ITPKC: variants seen among roughly 807,000 people sequenced by gnomAD.
ITPKC encodes the protein inositol-trisphosphate 3-kinase C, also known as IP3 3-kinase C.
Under a neutral mutation model 67.1 loss-of-function variants are expected in ITPKC, and 33 were observed. The ratio of observed to expected loss-of-function variants is 0.49; its 90% CI spans 0.37 to 0.66. The LOEUF is 0.66. Ranked by LOEUF, ITPKC falls within the 30% of genes least tolerant of loss-of-function variation. The probability of loss-of-function intolerance (pLI) is 0.00; values close to 1 mark genes in which losing one functional copy is unlikely to be tolerated. For missense variants in ITPKC, 820 were observed against 892.1 expected (o/e 0.92, Z 1.03); for synonymous variants, 341 against 359.8 (o/e 0.95, Z 0.59).
chr19:40,732,721 G>A (rs1030666963), intron 3 of ITPKC, among the ~76,000 whole-genome samples: 2 of 151,996 alleles, frequency 1.3e-5, no homozygotes, highest in African/African-American at 2.4e-5. Flanking sequence ...TGTGAACACT[G>A]CACCTGGCCC....
chr19:40,729,006 C>G (rs1237545871), intron 2 of ITPKC, among the ~76,000 whole-genome samples, 196 bp from the exon 3 acceptor site: 1 of 151,926 alleles, frequency 6.6e-6, no homozygotes, highest in African/African-American at 2.4e-5. Context: ...CCAGCCTGGG[C>G]AACAGAGTGG....
intron 3 of ITPKC, among the ~76,000 whole-genome samples, chr19:40,732,212 C>G (rs991946885): frequency 2.1e-5 from 3 of 142,942 alleles, no homozygotes; most frequent in African/African-American, 7.9e-5. Flanking sequence ...TGTACTCCAG[C>G]CTTGGTGACA....
chr19:40,719,439 T>A (rs561393569), intron 1 of ITPKC, among the ~76,000 whole-genome samples: 119 of 152,158 alleles, frequency 7.8e-4, no homozygotes, highest in African/African-American at 2.8e-3. Context: ...CTGTGCTAAG[T>A]GCTGTGCTTT....
chr19:40,720,083 G>A (rs1851193495), intron 1 of ITPKC, among the ~76,000 whole-genome samples: 1 of 151,844 alleles, frequency 6.6e-6, no homozygotes, highest in African/African-American at 2.4e-5. Flanking sequence ...CAACAGATGG[G>A]GGCCAGGCTC....
chr19:40,737,878 T>C lies in ITPKC; in HGVS notation c.1848+109T>C, dbSNP rs918790402. Reference sequence around the variant, plus strand: ...CAAAGATATAAAAAGGGGCTGGGCGTTGTGGCCCGCACCTGTAATACCAGC... The same window carrying C: ...CAAAGATATAAAAAGGGGCTGGGCGCTGTGGCCCGCACCTGTAATACCAGC... On this transcript the variant is annotated intron_variant, in intron 6 of 6. Transcript: ENST00000263370. 10 of 937,112 alleles carry C rather than the reference T, an allele frequency of 1.1e-5. No homozygotes were observed. In the South Asian group the frequency reaches 1.1e-4, roughly 10 times the overall value. 58.0% of individuals were successfully genotyped at this position (937,112 alleles called of 1,614,324 possible).
chr19:40,725,731 C>T (rs1244953619), intron 2 of ITPKC, among the ~76,000 whole-genome samples: 1 of 152,188 alleles, frequency 6.6e-6, no homozygotes, highest in Non-Finnish European at 1.5e-5. Flanking sequence ...TTTACTGGGC[C>T]TCAGCTGCCC....
rs1396699610 is a variant in ITPKC at position 40,717,479 on chromosome 19, C to T, written c.344C>T (p.Pro115Leu). The T allele has an allele frequency of 1.2e-6, 2 of 1,614,120 alleles. No individual in the cohort carries two copies. Among genetic ancestry groups the T allele is most frequent in the Middle Eastern group, 3.3e-4 (2 of 6,062 alleles). Residue 115 changes from proline to leucine, a missense_variant, in exon 1 of 7, where the codon CCA becomes CTA. Coordinates refer to ENST00000263370, the MANE Select transcript of ITPKC (RefSeq NM_025194.3). ...GAGAGGCCCAAGCAAAAGACGGAGC[C>T]AGACAGGTCCAGCCTCCGGACGCAT... ...ETERPKQKTE[P>L]DRSSLRTHLE...
rs111658183 is a variant in ITPKC at position 40,718,501 on chromosome 19, C to T, written c.1155+211C>T. On this transcript the variant is annotated intron_variant, in intron 1 of 6. Coordinates refer to ENST00000263370, the MANE Select transcript of ITPKC (RefSeq NM_025194.3). ...CTTCTTAATTCTCTCCTTTCCCCTT[C>T]CTGCACTGTCTCCACTCCTGGGGGT... Among the ~76,000 whole-genome samples the T allele has an allele frequency of 2.0e-3, 308 of 152,288 alleles. 1 individual carries two copies. The highest frequency in any genetic ancestry group is 7.1e-3 in the African/African-American group (294 of 41,550).
In ITPKC at chr19:40,733,336, C is replaced by T. The variant is rs146632462; in HGVS notation, c.1646C>T (p.Thr549Ile). The T allele has an allele frequency of 6.5e-4, 1,046 of 1,612,402 alleles. 1 individual carries two copies. Among genetic ancestry groups the T allele is most frequent in the Non-Finnish European group, 8.4e-4 (992 of 1,179,344 alleles). ...AGGGAAACCATGAGCTCCACCTCTA[C>T]CCTGGGCTTCCGGATCGAGGGCATC... ...QWRETMSSTS[T>I]LGFRIEGIKK... The change falls in exon 4 of 7, where the codon ACC becomes ATC. Residue 549 changes from threonine to isoleucine, a missense_variant. By Grantham distance (89) the Thr-to-Ile change is moderately conservative. Coordinates refer to ENST00000263370, the MANE Select transcript of ITPKC (RefSeq NM_025194.3).
In ITPKC at chr19:40,739,544, G is replaced by C; in HGVS notation, c.2036G>C (p.Gly679Ala). 6.2e-7 allele frequency: 1 copy of C among 1,613,356 alleles called. No homozygotes were observed. Among genetic ancestry groups the C allele is most frequent in the Non-Finnish European group, 8.5e-7 (1 of 1,179,914 alleles). ...GLDNMICLLQ[G>A]LAQS ...GACAACATGATCTGCCTCCTGCAGG[G>C]GCTGGCACAGAGCTGAGCTGCTCAG... The change falls in exon 7 of 7, where the codon GGG becomes GCG. Residue 679 changes from glycine to alanine, a missense_variant. Physicochemically the swap from Gly to Ala is moderately conservative, Grantham distance 60 (BLOSUM62 0). This residue lies in a region of ITPKC where 339 missense variants were observed against 422.0 expected (regional missense o/e 0.80). Transcript: ENST00000263370.
chr19:40,718,408 C>G lies in ITPKC; in HGVS notation c.1155+118C>G, dbSNP rs147998024. The G allele has an allele frequency of 1.6e-3, 2,155 of 1,339,172 alleles. 7 individuals carry two copies. Among genetic ancestry groups the G allele is most frequent in the Admixed American group, 2.4e-3 (88 of 36,206 alleles). 83.0% of individuals were successfully genotyped at this position (1,339,172 alleles called of 1,614,324 possible). A position where few individuals can be genotyped will look rare whatever the true frequency, so the allele number is the denominator to read the frequency against. On this transcript the variant is annotated intron_variant, in intron 1 of 6. Transcript: ENST00000263370. ...AGTTGCCCACCAGCAATTTCATCTC[C>G]GGGAACCTCTTCCATCCACTGACCT...
chr19:40,719,780 T>G (rs2082212750), intron 1 of ITPKC, among the ~76,000 whole-genome samples: 1 of 152,114 alleles, frequency 6.6e-6, no homozygotes, highest in African/African-American at 2.4e-5. Context: ...CATGAGCCAC[T>G]GCACCCGGCT....
At chr19:40,721,560 G>T (rs929421311) in intron 1 of ITPKC, among the ~76,000 whole-genome samples, 9 of 151,794 alleles carry the variant, frequency 5.9e-5, no homozygotes, top group Non-Finnish European at 1.5e-5. Flanking sequence ...GTAGAGAGTG[G>T]GTTTCACTAT....
At chr19:40,729,581 C>T (rs1348854219) in intron 3 of ITPKC, among the ~76,000 whole-genome samples, 166 bp downstream of exon 3, 8 of 152,084 alleles carry the variant, frequency 5.3e-5, no homozygotes, top group Non-Finnish European at 1.0e-4. Flanking sequence ...GCCTGACCAA[C>T]GTGGTGAAGC....
rs779518031 is a variant in ITPKC at position 40,725,360 on chromosome 19, G to A, written c.1176G>A (p.Leu392=). ...DRSGSKPWKK[L]KTVLKYSPFV... is the part of the protein sequence containing the mutation. ...TACAGAGCAAACCCTGGAAGAAGCTGAAGACAGTTCTGAAGTATTCACCCT... is the reference window on the plus strand; with the variant it reads ...TACAGAGCAAACCCTGGAAGAAGCTAAAGACAGTTCTGAAGTATTCACCCT... The change falls in exon 2 of 7, where the codon CTG becomes CTA. Residue 392 remains leucine, a synonymous_variant. Coordinates refer to ENST00000263370, the MANE Select transcript of ITPKC (RefSeq NM_025194.3). The A allele has an allele frequency of 2.3e-5, 37 of 1,613,740 alleles. No individual in the cohort carries two copies. The highest frequency in any genetic ancestry group is 3.1e-5 in the Non-Finnish European group (36 of 1,179,682).
In ITPKC at chr19:40,740,711, G is replaced by T; in HGVS notation, c.*1151G>T. On this transcript the variant is annotated 3_prime_UTR_variant, in exon 7 of 7. Coordinates refer to ENST00000263370, the MANE Select transcript of ITPKC (RefSeq NM_025194.3). ...CCACACTGTCTTCCAGGGCTGAGGA[G>T]ATGCTCTCCTTTTCTACTGACCATC... The T allele has an allele frequency of 8.3e-6, 3 of 360,134 alleles. No individual in the cohort carries two copies. Among genetic ancestry groups the T allele is most frequent in the Non-Finnish European group, 1.5e-5 (3 of 201,196 alleles). 22.3% of individuals were successfully genotyped at this position (360,134 alleles called of 1,614,324 possible).
At chr19:40,729,061 A>G (rs2082258473) in intron 2 of ITPKC, 141 bp from the exon 3 acceptor site, 1 of 635,384 alleles carries the variant, frequency 1.6e-6, no homozygotes, top group South Asian at 1.9e-5. Flanking sequence ...AATCATTAAA[A>G]AAAAAGTTGC....
chr19:40,738,406 G>A (rs1035097732), intron 6 of ITPKC, among the ~76,000 whole-genome samples: 4 of 152,112 alleles, frequency 2.6e-5, no homozygotes, highest in African/African-American at 4.8e-5. Context: ...TCCAGCCTGG[G>A]CAACAGAGTG....
At position 40,717,546 on chromosome 19, in the gene ITPKC, G is replaced by A; in HGVS notation, c.411G>A (p.Trp137Ter). The change falls in exon 1 of 7, where the codon TGG becomes TGA. Residue 137 changes from tryptophan to a stop codon, truncating the protein, a stop_gained. Coordinates refer to ENST00000263370, the MANE Select transcript of ITPKC (RefSeq NM_025194.3). LOFTEE classifies it high-confidence loss of function. ...SWSELETTCL[W>*]TETGTDGLWT... ...CAGAGCTGGAGACGACTTGTCTTTG[G>A]ACGGAGACCGGGACAGATGGCCTTT... The A allele has an allele frequency of 2.5e-6, 4 of 1,614,148 alleles. No homozygotes were observed. The highest frequency in any genetic ancestry group is 3.4e-6 in the Non-Finnish European group (4 of 1,180,020).
Sources: gnomAD v4.1 joint callset for allele counts (sites outside exome capture counted in the v4.1 genomes callset) on GRCh38, gnomAD v4.1.1 for gene constraint, gnomAD v4.1.1 regional missense constraint, MANE v1.5 for transcripts, NCBI Gene and HGNC (gene_info 2026-07-23, HGNC 2026-07-21) for gene names.